The following PPM1J variants were observed in gnomAD, a reference collection of about 807,000 sequenced individuals.
PPM1J encodes protein phosphatase, Mg2+/Mn2+ dependent 1J.
Under a neutral mutation model 53.3 loss-of-function variants are expected in PPM1J, and 43 were observed. The ratio of observed to expected loss-of-function variants is 0.81; its 90% CI spans 0.63 to 1.04. PPM1J has a LOEUF of 1.04. Among genes scored for constraint, PPM1J ranks in the 50% least tolerant of loss-of-function variants. The pLI is 0.00. For synonymous variants in PPM1J, 267 were observed against 286.4 expected, an observed-to-expected ratio of 0.93 and a Z score of 0.68; for missense variants, 635 against 685.9, an observed-to-expected ratio of 0.93 and a Z score of 0.83.
At chr1:112,711,889 G>T in intron 5 of PPM1J, 82 bp downstream of exon 5, 2 of 953,586 alleles carry the variant, frequency 2.1e-6, no homozygotes, top group Non-Finnish European at 3.2e-6. Context: ...TGGTGGGGGT[G>T]TGAGAGTTCT....
chr1:112,713,693 C>T, intron 1 of PPM1J, 82 bp from the exon 2 acceptor site: 1 of 1,138,140 alleles, frequency 8.8e-7, no homozygotes, highest in Non-Finnish European at 1.3e-6. Flanking sequence ...ACACCGTCTC[C>T]TGCGCCCGCT....
At chr1:112,713,937 G>C in intron 1 of PPM1J, 1 of 764,780 alleles carries the variant, frequency 1.3e-6, no homozygotes, top group Non-Finnish European at 1.8e-6. Context: ...TTCTGGGGGA[G>C]GGGCTAGTTG....
exon 1 of PPM1J, chr1:112,715,330 GGCCCCGCCCCC>G (rs978880350): frequency 1.4e-5 from 17 of 1,222,212 alleles, no homozygotes; most frequent in African/African-American, 1.6e-5. This position sits in a 1 kb window ranked among gnomAD's most constrained non-coding sequence, Gnocchi z 4.4. Flanking sequence ...CCTCGGCCGC[GGCCCCGCCCCC>G]GCCCAGGCCC....
In PPM1J at chr1:112,712,021, T is replaced by C. The variant is rs967683847; in HGVS notation, c.877A>G (p.Met293Val). ...GTCTCCGGGGTAAACTCCCGGGACA[T>C]TGGAATGATTTCACCATTCCGGACA... ...IIVRNGEIIP[M>V]SREFTPETER... The change falls in exon 5 of 10, where the codon ATG becomes GTG. Residue 293 changes from methionine (M) to valine (V), a missense_variant. By Grantham distance (21) the Met-to-Val change is conservative. Coordinates refer to ENST00000309276, the MANE Select transcript of PPM1J (RefSeq NM_005167.7). 6.8e-6 allele frequency: 11 copies of C among 1,610,864 alleles called. No homozygotes were observed. The highest frequency in any genetic ancestry group is 6.7e-5 in the East Asian group (3 of 44,794).
rs966364359 is a variant in PPM1J, at chr1:112,711,200, T to G, written c.1046+66A>C. 4.7e-6 allele frequency: 7 copies of G among 1,478,634 alleles called. No individual in the cohort carries two copies. The African/African-American group carries it at 9.7e-5, about 21-fold the overall frequency. 91.6% of individuals were successfully genotyped at this position (1,478,634 alleles called of 1,614,324 possible). ...CAACTCCCAGCCTCCAGCTTCCACC[T>G]TGCTGCGGGCGAGGGACTGGTTGTG... On this transcript the variant is annotated intron_variant, in intron 6 of 9. Transcript: ENST00000309276.
Position 112,713,531 on chromosome 1 carries a change from A to T in PPM1J, c.407T>A (p.Val136Asp), listed in dbSNP as rs369262375. The T allele has an allele frequency of 6.2e-6, 10 of 1,613,874 alleles. No individual in the cohort carries two copies. The South Asian group carries it at 7.7e-5, about 12-fold the overall frequency. The stretch of plus-strand genomic sequence containing the variant: ...GCTAGGCTCCCTAGGTACTCCTGTA[A>T]CACTCCTCCGACCTTCCACATACAC... The part of the protein sequence containing the change: ...EVVYVEGRRS[V>D]TGVPREPSRG... Residue 136 changes from valine to aspartate, a missense_variant, in exon 2 of 10, where the codon GTT becomes GAT. Transcript: ENST00000309276.
chr1:112,711,411 G>C (rs568627652), intron 5 of PPM1J, 27 bp from the exon 6 acceptor site: 2 of 1,421,158 alleles, frequency 1.4e-6, no homozygotes, highest in Admixed American at 1.8e-5. Context: ...TCAGAACAGA[G>C]AGCCAGGGGG....
chr1:112,712,586 G>A (rs989627668), intron 3 of PPM1J, 129 bp from the exon 4 acceptor site: 26 of 1,130,102 alleles, frequency 2.3e-5, no homozygotes, highest in Non-Finnish European at 2.7e-5. Context: ...CAGGAGGGAA[G>A]ACTGGGGTGT....
chr1:112,711,825 C>T (rs748084391), intron 5 of PPM1J, 146 bp downstream of exon 5: 13 of 612,044 alleles, frequency 2.1e-5, no homozygotes, highest in Non-Finnish European at 3.4e-5. Context: ...CGGCTCAGCC[C>T]CGCACTCCAT....
intron 2 of PPM1J, 128 bp downstream of exon 2, chr1:112,713,369 G>A: frequency 4.4e-6 from 3 of 684,314 alleles, no homozygotes; most frequent in Non-Finnish European, 7.9e-6. Context: ...CCAGGTAAAG[G>A]TTCTGTGCCA....
At chr1:112,711,817 G>A (rs1207183797) in intron 5 of PPM1J, among the ~76,000 whole-genome samples, 154 bp downstream of exon 5, 1 of 152,138 alleles carries the variant, frequency 6.6e-6, no homozygotes, top group Non-Finnish European at 1.5e-5. Flanking sequence ...CCTCCCACCG[G>A]CTCAGCCCCG....
At chr1:112,714,905 C>G in intron 1 of PPM1J, 71 bp downstream of exon 1, 1 of 1,321,302 alleles carries the variant, frequency 7.6e-7, no homozygotes, top group Non-Finnish European at 9.7e-7. Context: ...CGCGTCCTAG[C>G]GCCGGGGATG....
chr1:112,711,337 C>T lies in PPM1J; in HGVS notation c.975G>A (p.Glu325=). The T allele has an allele frequency of 6.2e-7, 1 of 1,607,152 alleles. No homozygotes were observed. The highest frequency in any genetic ancestry group is 1.7e-5 in the Admixed American group (1 of 58,718). The stretch of plus-strand genomic sequence containing the variant: ...CCTTGGGCAGAACTCTGCGGGGGAA[C>T]TCAAGGTGGGTGAATTCACTGCCTA... ...ELLGSEFTHL[E]FPRRVLPKEL... The change falls in exon 6 of 10, where the codon GAG becomes GAA. Residue 325 remains glutamate (E), a synonymous_variant. Coordinates refer to ENST00000309276, the MANE Select transcript of PPM1J (RefSeq NM_005167.7).
intron 2 of PPM1J, 36 bp from the exon 3 acceptor site, chr1:112,713,067 TG>T: frequency 1.8e-6 from 2 of 1,081,804 alleles, no homozygotes; most frequent in Non-Finnish European, 1.3e-6. Context: ...GTTTTGTTTG[TG>T]TGTGTGTGTG....
chr1:112,713,886 CAAAAAAA>C (rs372461399), intron 1 of PPM1J, among the ~76,000 whole-genome samples: 2 of 143,708 alleles, frequency 1.4e-5, no homozygotes, highest in African/African-American at 2.6e-5. Context: ...CCATCCCTGG[CAAAAAAA>C]AAAGAAAAAA....
In PPM1J at chr1:112,710,754, C is replaced by T. The variant is rs754033979; in HGVS notation, c.1208G>A (p.Cys403Tyr). ...STLPIKPFLS[C>Y]FPEVRVYDLT... ...GTTTAAGGGGCTCACCTCAGGGAAG[C>T]AGGAGAGAAAGGGCTTGATGGGCAG... Residue 403 changes from cysteine (C) to tyrosine (Y), a missense_variant, in exon 8 of 10, where the codon TGC (cysteine) becomes TAC (tyrosine). Coordinates refer to ENST00000309276, the MANE Select transcript of PPM1J (RefSeq NM_005167.7). 6.2e-6 allele frequency: 10 copies of T among 1,613,964 alleles called. No homozygotes were observed. The Admixed American group carries it at 1.5e-4, about 24-fold the overall frequency.
In PPM1J at chr1:112,711,345, G is replaced by A; in HGVS notation, c.967C>T (p.His323Tyr). 1 of 1,606,342 alleles carries A rather than the reference G, an allele frequency of 6.2e-7. No homozygotes were observed. The highest frequency in any genetic ancestry group is 8.5e-7 in the Non-Finnish European group (1 of 1,176,374). The part of the protein sequence containing the change: ...KPELLGSEFT[H>Y]LEFPRRVLPK... ...AGAACTCTGCGGGGGAACTCAAGGT[G>A]GGTGAATTCACTGCCTAGCAGCTCT... The change falls in exon 6 of 10, where the codon CAC (histidine) becomes TAC (tyrosine). Residue 323 changes from histidine (H) to tyrosine (Y), a missense_variant. Physicochemically the swap from His to Tyr is moderately conservative, Grantham distance 83 (BLOSUM62 2). Coordinates refer to ENST00000309276, the MANE Select transcript of PPM1J (RefSeq NM_005167.7).
rs1359824303 is a variant in PPM1J at position 112,714,145 on chromosome 1, T to C, written c.327-534A>G. ...CCAGATCGGGAAAGAGGAACTGAAA[T>C]AGAGTAGAAGTGAAAGCCCACCTGG... On this transcript the variant is annotated intron_variant, in intron 1 of 9. Transcript: ENST00000309276. 6 of 999,270 alleles carry C rather than the reference T, an allele frequency of 6.0e-6. No individual in the cohort carries two copies. The Admixed American group carries it at 3.2e-4, about 53-fold the overall frequency. 61.9% of individuals were successfully genotyped at this position (999,270 alleles called of 1,614,324 possible).
intron 1 of PPM1J, chr1:112,714,597 TAAA>T: frequency 9.6e-7 from 1 of 1,040,344 alleles, no homozygotes; most frequent in South Asian, 4.5e-5. Context: ...TGTCCCCTAT[TAAA>T]AAGAACCCCG....
Sources: gnomAD v4.1 joint callset for allele counts (sites outside exome capture counted in the v4.1 genomes callset) on GRCh38, gnomAD v4.1.1 for gene constraint, Gnocchi (gnomAD v3.1) non-coding constraint, MANE v1.5 for transcripts, NCBI Gene and HGNC (gene_info 2026-07-23, HGNC 2026-07-21) for gene names.